The following FYB1 variants were observed in gnomAD, a reference collection of about 807,000 sequenced individuals.
FYB1 encodes FYN-binding protein 1.
A neutral mutation model predicts 94.1 loss-of-function variants in FYB1; 41 were observed. The ratio of observed to expected loss-of-function variants is 0.44; its 90% CI spans 0.34 to 0.57. The LOEUF (loss-of-function observed/expected upper bound fraction) is 0.57. Among genes scored for constraint, FYB1 ranks in the 20% least tolerant of loss-of-function variants. The pLI, the probability that FYB1 is intolerant of heterozygous loss-of-function variation, is 0.02. For synonymous variants in FYB1, 367 were observed against 353.2 expected, an observed-to-expected ratio of 1.04 and a Z score of -0.44; for missense variants, 1,050 against 976.8, an observed-to-expected ratio of 1.07 and a Z score of -1.00.
At chr5:39,151,711 G>C (rs1743267984) in intron 3 of FYB1, among the ~76,000 whole-genome samples, 1 of 152,158 alleles carries the variant, frequency 6.6e-6, no homozygotes, top group Admixed American at 6.5e-5. Context: ...AAAAATACTT[G>C]TTGCATGACT....
intron 1 of FYB1, among the ~76,000 whole-genome samples, chr5:39,271,908 G>A (rs1752678674): frequency 6.6e-6 from 1 of 152,114 alleles, no homozygotes; most frequent in Admixed American, 6.6e-5. Flanking sequence ...TGGGACCCAG[G>A]CATACTTTTA....
At chr5:39,232,296 C>A (rs1750778323) in intron 1 of FYB1, among the ~76,000 whole-genome samples, 1 of 151,972 alleles carries the variant, frequency 6.6e-6, no homozygotes, top group South Asian at 2.1e-4. Flanking sequence ...CCATATTACC[C>A]AGAAATATAA....
chr5:39,214,922 C>T (rs1457071593), intron 1 of FYB1, among the ~76,000 whole-genome samples: 2 of 151,812 alleles, frequency 1.3e-5, no homozygotes, highest in African/African-American at 4.8e-5. Flanking sequence ...GAGCGAGATT[C>T]TGTGTCAAAA....
At chr5:39,117,481 C>T (rs1315982423) in intron 16 of FYB1, among the ~76,000 whole-genome samples, 2 of 152,048 alleles carry the variant, frequency 1.3e-5, no homozygotes, top group Non-Finnish European at 2.9e-5. Context: ...TTTTCTTTGT[C>T]CCCTGGGTAT....
At chr5:39,126,430 T>C (rs1289044392) in intron 11 of FYB1, among the ~76,000 whole-genome samples, 2 of 152,062 alleles carry the variant, frequency 1.3e-5, no homozygotes, top group South Asian at 2.1e-4. Context: ...ATGTGGTGGC[T>C]CACCCCTGTG....
intron 11 of FYB1, among the ~76,000 whole-genome samples, chr5:39,126,716 A>AG (rs1561142268): frequency 6.6e-6 from 1 of 150,646 alleles, no homozygotes; most frequent in Non-Finnish European, 1.5e-5. Context: ...AAAAAAAAAA[A>AG]AAAGCTTGGA....
chr5:39,146,075 C>T (rs1255442813), intron 3 of FYB1, among the ~76,000 whole-genome samples: 4 of 151,786 alleles, frequency 2.6e-5, no homozygotes, highest in African/African-American at 7.2e-5. Context: ...CCACCATGCC[C>T]GGCTAATTTT....
At chr5:39,169,353 C>T in intron 2 of FYB1, 1 of 756,746 alleles carries the variant, frequency 1.3e-6, no homozygotes, top group South Asian at 1.3e-5. Flanking sequence ...CAGACGAATA[C>T]TAAACCGGTC....
chr5:39,206,679 T>C (rs1748885723), intron 1 of FYB1, among the ~76,000 whole-genome samples: 1 of 152,184 alleles, frequency 6.6e-6, no homozygotes, highest in Non-Finnish European at 1.5e-5. Flanking sequence ...CAATGTTCCG[T>C]TTTAATCTCA....
At chr5:39,120,221 C>G (rs978737677) in intron 14 of FYB1, among the ~76,000 whole-genome samples, 5 of 141,086 alleles carry the variant, frequency 3.5e-5, no homozygotes, top group African/African-American at 1.4e-4. Flanking sequence ...ATCCCTTTAT[C>G]AATTGTGTGT....
rs1748398829 is a variant in FYB1 at position 39,202,212 on chromosome 5, T to C, written c.749A>G (p.His250Arg). The change falls in exon 2 of 19, where the codon CAT becomes CGT. Residue 250 changes from histidine to arginine, a missense_variant. Physicochemically the swap from His to Arg is conservative, Grantham distance 29 (BLOSUM62 0). Coordinates refer to ENST00000512982, the MANE Select transcript of FYB1 (RefSeq NM_001465.6). ...PAREDSENKD[H>R]AGEISSLPFP... ...GGGCAAACTTGAAATCTCCCCTGCA[T>C]GGTCTTTATTTTCTGAGTCTTCCCT... is the stretch of plus-strand genomic sequence containing the variant. 6.2e-7 allele frequency: 1 copy of C among 1,613,982 alleles called. No individual in the cohort carries two copies. The highest frequency in any genetic ancestry group is 8.5e-7 in the Non-Finnish European group (1 of 1,179,878).
At chr5:39,254,166 G>A (rs1751842838) in intron 1 of FYB1, among the ~76,000 whole-genome samples, 1 of 152,150 alleles carries the variant, frequency 6.6e-6, no homozygotes, top group East Asian at 1.9e-4. Flanking sequence ...ACACGTGCAT[G>A]TATCTTTATA....
intron 2 of FYB1, among the ~76,000 whole-genome samples, chr5:39,182,964 C>T (rs551150906): frequency 3.9e-5 from 6 of 152,304 alleles, no homozygotes; most frequent in African/African-American, 1.4e-4. Flanking sequence ...CTAAGCAAAA[C>T]TAAGTTGACA....
At chr5:39,133,067 C>A (rs1031665645) in intron 9 of FYB1, among the ~76,000 whole-genome samples, 25 of 152,154 alleles carry the variant, frequency 1.6e-4, no homozygotes, top group Admixed American at 9.2e-4. Context: ...TTTAGAAAGA[C>A]AAAACTGCTA....
At chr5:39,153,162 C>T (rs1027767646) in intron 3 of FYB1, among the ~76,000 whole-genome samples, 3 of 148,822 alleles carry the variant, frequency 2.0e-5, no homozygotes, top group African/African-American at 7.3e-5. Context: ...CTCAAGAAAG[C>T]TTCAGAACTT....
At chr5:39,190,090 T>C (rs1043607119) in intron 2 of FYB1, among the ~76,000 whole-genome samples, 7 of 152,216 alleles carry the variant, frequency 4.6e-5, no homozygotes, top group Non-Finnish European at 8.8e-5. Context: ...AGCTTTTATA[T>C]TTCCTACATT....
chr5:39,119,053 A>T lies in FYB1; in HGVS notation c.2239-17T>A, dbSNP rs202110166. On this transcript the variant is annotated splice_polypyrimidine_tract_variant and intron_variant, in intron 15 of 18. Transcript: ENST00000512982. ...ACCATCATACTAAAAAAAAAAGAACAATATTTAAATTATTGGTTTATGTGC... is the reference window on the plus strand; with the variant it reads ...ACCATCATACTAAAAAAAAAAGAACTATATTTAAATTATTGGTTTATGTGC... 2.5e-6 allele frequency: 3 copies of T among 1,189,854 alleles called. No individual in the cohort carries two copies. Among genetic ancestry groups the T allele is most frequent in the Non-Finnish European group, 3.4e-6 (3 of 885,494 alleles). The allele number at this position is 1,189,854 out of a possible 1,614,324, so 73.7% of individuals were successfully genotyped here.
intron 1 of FYB1, among the ~76,000 whole-genome samples, chr5:39,261,307 A>T (rs1170502499): frequency 9.1e-5 from 3 of 32,986 alleles, no homozygotes; most frequent in African/African-American, 4.0e-4. Context: ...AGTAGAATTA[A>T]AAAAAAAAAA....
At chr5:39,162,145 G>A (rs1035359398) in intron 2 of FYB1, among the ~76,000 whole-genome samples, 2 of 152,268 alleles carry the variant, frequency 1.3e-5, no homozygotes, top group African/African-American at 2.4e-5. Flanking sequence ...TGCTATGAAC[G>A]TTAATGTATG....
Sources: allele counts gnomAD v4.1 joint callset (sites outside exome capture counted in the v4.1 genomes callset), GRCh38; gene constraint gnomAD v4.1.1; transcripts MANE v1.5; gene names NCBI Gene and HGNC (gene_info 2026-07-23, HGNC 2026-07-21).